The following STYK1 variants were observed in gnomAD, a reference collection of about 807,000 sequenced individuals.
STYK1 encodes STY kinase 1, also known as tyrosine-protein kinase STYK1.
A neutral mutation model predicts 48.1 loss-of-function variants in STYK1; 46 were observed. That is an observed-to-expected ratio of 0.96 (90% CI 0.75 to 1.22). The LOEUF (loss-of-function observed/expected upper bound fraction) is 1.22. Among genes scored for constraint, STYK1 ranks in the 50% most tolerant of loss-of-function variants. STYK1 has a pLI of 0.00. For synonymous variants in STYK1, 188 were observed against 189.0 expected (o/e 0.99, Z 0.04); for missense variants, 527 against 521.1 (o/e 1.01, Z -0.11).
chr12:10,628,427 AGAT>A (rs1369267092), intron 6 of STYK1, among the ~76,000 whole-genome samples: 1 of 152,254 alleles, frequency 6.6e-6, no homozygotes, highest in Non-Finnish European at 1.5e-5. Flanking sequence ...TCTGAAATAG[AGAT>A]GCGTGGTATT....
Position 10,634,026 on chromosome 12 carries a change from C to T in STYK1, c.151G>A (p.Glu51Lys), listed in dbSNP as rs761803211. 1.2e-6 allele frequency: 2 copies of T among 1,614,084 alleles called. No individual in the cohort carries two copies. The highest frequency in any genetic ancestry group is 8.5e-7 in the Non-Finnish European group (1 of 1,180,004). Residue 51 changes from glutamate (E) to lysine (K), a missense_variant, in exon 4 of 11, where the codon GAA becomes AAA. Physicochemically the swap from Glu to Lys is moderately conservative, Grantham distance 56 (BLOSUM62 1). Transcript: ENST00000075503. The part of the protein sequence containing the change: ...LGVILWLFIR[E>K]QRTQQQRSGP... The stretch of plus-strand genomic sequence containing the variant: ...GAACGCTGCTGTTGAGTTCTTTGTT[C>T]TCTGATAAAAAGCCACAGGATGACC...
intron 1 of STYK1, among the ~76,000 whole-genome samples, chr12:10,662,951 T>G (rs1177402691): frequency 6.6e-6 from 1 of 152,234 alleles, no homozygotes; most frequent in Admixed American, 6.5e-5. Flanking sequence ...AGGTTTTTCC[T>G]AAGAATTTCA....
intron 1 of STYK1, among the ~76,000 whole-genome samples, chr12:10,643,731 G>A (rs1947569564): frequency 1.3e-5 from 2 of 152,224 alleles, no homozygotes; most frequent in African/African-American, 4.8e-5. Flanking sequence ...ACAGCCACAA[G>A]GCAAGAGAGG....
chr12:10,665,118 T>C (rs997420086), intron 1 of STYK1, among the ~76,000 whole-genome samples: 2 of 152,172 alleles, frequency 1.3e-5, no homozygotes, highest in Admixed American at 6.5e-5. Context: ...TGGGAGCTGC[T>C]TGGGCTTCAA....
intron 4 of STYK1, 137 bp from the exon 5 acceptor site, chr12:10,631,445 T>C (rs774321506): frequency 1.1e-4 from 120 of 1,071,626 alleles, no homozygotes; most frequent in Non-Finnish European, 1.5e-4. Context: ...CTGATGCTTC[T>C]CTATAAACCA....
chr12:10,638,371 G>T (rs1001639877), intron 1 of STYK1, among the ~76,000 whole-genome samples: 2 of 152,112 alleles, frequency 1.3e-5, no homozygotes. Flanking sequence ...CTTTCATTGA[G>T]AATCCTGAGA....
At chr12:10,667,626 T>A (rs1947847007) in intron 1 of STYK1, among the ~76,000 whole-genome samples, 1 of 152,126 alleles carries the variant, frequency 6.6e-6, no homozygotes, top group African/African-American at 2.4e-5. Flanking sequence ...TAAGACTCCA[T>A]CTCAAAAAAC....
In STYK1 at chr12:10,629,572, G is replaced by A; in HGVS notation, c.554C>T (p.Thr185Ile). ...KNLVQLEGCC[T>I]EKLPLYMVLE... ...CACCATATAGAGTGGCAGCTTTTCAGTGCAGCAGCCTTCCAGCTGCACCAG... is the reference window on the plus strand; with the variant it reads ...CACCATATAGAGTGGCAGCTTTTCAATGCAGCAGCCTTCCAGCTGCACCAG... Residue 185 changes from threonine (T) to isoleucine (I), a missense_variant, in exon 6 of 11, where the codon ACT (threonine) becomes ATT (isoleucine). Thr to Ile is a moderately conservative substitution (Grantham distance 89). Transcript: ENST00000075503. The A allele has an allele frequency of 1.2e-6, 2 of 1,614,186 alleles. No homozygotes were observed. The highest frequency in any genetic ancestry group is 2.2e-5 in the South Asian group (2 of 91,076).
intron 1 of STYK1, among the ~76,000 whole-genome samples, chr12:10,638,781 T>G (rs1947512910): frequency 6.6e-6 from 1 of 152,234 alleles, no homozygotes; most frequent in South Asian, 2.1e-4. Flanking sequence ...GCACTCTGCC[T>G]GCTTATGTGT....
chr12:10,630,996 T>G (rs764816074), intron 5 of STYK1, 49 bp downstream of exon 5: 1 of 1,601,176 alleles, frequency 6.2e-7, no homozygotes, highest in Admixed American at 1.7e-5. Flanking sequence ...GCAAAGCCTG[T>G]TAATATTTAC....
At chr12:10,627,304 A>T (rs901971837) in intron 7 of STYK1, among the ~76,000 whole-genome samples, 7 of 152,092 alleles carry the variant, frequency 4.6e-5, no homozygotes, top group African/African-American at 1.7e-4. Context: ...TTTTAATTCT[A>T]TTATTAGTAC....
intron 1 of STYK1, among the ~76,000 whole-genome samples, chr12:10,645,587 G>C (rs1947590338): frequency 6.6e-6 from 1 of 152,106 alleles, no homozygotes; most frequent in African/African-American, 2.4e-5. Flanking sequence ...GAACACATAA[G>C]TATCCCAGAA....
intron 4 of STYK1, among the ~76,000 whole-genome samples, chr12:10,632,562 A>C (rs1173830352): frequency 6.6e-6 from 1 of 152,106 alleles, no homozygotes; most frequent in Non-Finnish European, 1.5e-5. Flanking sequence ...GTGGGAGGCT[A>C]CTGCATGTGT....
At chr12:10,622,760 A>G (rs1260669986) in intron 8 of STYK1, 82 bp from the exon 9 acceptor site, 3 of 1,526,922 alleles carry the variant, frequency 2.0e-6, no homozygotes, top group South Asian at 1.2e-5. Context: ...GAAGCCTTTA[A>G]TAAGAGCCCC....
At chr12:10,644,715 G>T (rs1011523361) in intron 1 of STYK1, among the ~76,000 whole-genome samples, 3 of 152,186 alleles carry the variant, frequency 2.0e-5, no homozygotes, top group Non-Finnish European at 4.4e-5. Flanking sequence ...AGTGGTTGTA[G>T]AAGGTAAGAA....
At position 10,627,625 on chromosome 12, in the gene STYK1, T is replaced by C. The variant is rs373294340; in HGVS notation, c.717+16A>G. The C allele has an allele frequency of 2.5e-6, 4 of 1,606,556 alleles. No individual in the cohort carries two copies. The highest frequency in any genetic ancestry group is 2.2e-5 in the East Asian group (1 of 44,790). On this transcript the variant is annotated intron_variant, in intron 7 of 10. Coordinates refer to ENST00000075503, the MANE Select transcript of STYK1 (RefSeq NM_018423.3). Reference sequence around the variant, plus strand: ...GGAAACGTCACACCATCAGTTGTCATGTTGCCTCATCTTACCAGCGCCAAA... The same window carrying C: ...GGAAACGTCACACCATCAGTTGTCACGTTGCCTCATCTTACCAGCGCCAAA...
chr12:10,638,387 C>T (rs1423175063), intron 1 of STYK1, among the ~76,000 whole-genome samples: 2 of 152,136 alleles, frequency 1.3e-5, no homozygotes, highest in Middle Eastern at 3.4e-3. Flanking sequence ...TGAGAAGAAA[C>T]AGTGCAATGA....
intron 10 of STYK1, among the ~76,000 whole-genome samples, 154 bp downstream of exon 10, chr12:10,621,722 T>C (rs1020358106): frequency 5.1e-4 from 78 of 152,022 alleles, no homozygotes; most frequent in Non-Finnish European, 9.3e-4. Context: ...ATATATGAGA[T>C]AGGTATATTT....
chr12:10,666,091 G>T (rs1384698037), intron 1 of STYK1, among the ~76,000 whole-genome samples: 4 of 152,198 alleles, frequency 2.6e-5, no homozygotes, highest in African/African-American at 7.2e-5. Context: ...TTACTGGCCA[G>T]AAGTGGTACT....
Sources: allele counts gnomAD v4.1 joint callset (sites outside exome capture counted in the v4.1 genomes callset), GRCh38; gene constraint gnomAD v4.1.1; transcripts MANE v1.5; gene names NCBI Gene and HGNC (gene_info 2026-07-23, HGNC 2026-07-21).